Variants in IGSF21 observed in about 807,000 individuals in gnomAD.
IGSF21 encodes immunoglobin superfamily member 21.
In IGSF21, 28 loss-of-function variants were observed where a neutral mutation model predicts 46.8. The observed-to-expected ratio is 0.60, with a 90% confidence interval of 0.44 to 0.82. The LOEUF (loss-of-function observed/expected upper bound fraction) is 0.82, where lower values mean the gene tolerates loss of function less well. IGSF21 is among the 40% of genes least tolerant of loss of function. IGSF21 has a pLI of 0.00. For synonymous variants in IGSF21, 284 were observed against 273.6 expected (o/e 1.04, Z -0.38); for missense variants, 624 against 665.5 (o/e 0.94, Z 0.69).
chr1:18,186,271 C>T (rs1474859320), intron 1 of IGSF21, among the ~76,000 whole-genome samples: 2 of 152,122 alleles, frequency 1.3e-5, no homozygotes, highest in African/African-American at 4.8e-5. Flanking sequence ...GTAAATCTTG[C>T]CCCCAACAGT....
intron 1 of IGSF21, among the ~76,000 whole-genome samples, chr1:18,160,960 C>T (rs966193058): frequency 2.0e-5 from 3 of 152,080 alleles, no homozygotes; most frequent in African/African-American, 4.8e-5. Context: ...CCATGTACCC[C>T]CTGCATCCTG....
At chr1:18,146,425 G>A (rs2086467490) in intron 1 of IGSF21, among the ~76,000 whole-genome samples, 1 of 152,080 alleles carries the variant, frequency 6.6e-6, no homozygotes, top group Non-Finnish European at 1.5e-5. Context: ...CCTTGACTGA[G>A]TCATTTCACT....
intron 2 of IGSF21, among the ~76,000 whole-genome samples, chr1:18,252,314 G>C (rs994827039): frequency 2.0e-5 from 3 of 152,082 alleles, no homozygotes; most frequent in African/African-American, 7.2e-5. Context: ...CTCCCAAAGT[G>C]CTGGGATTAC....
intron 6 of IGSF21, among the ~76,000 whole-genome samples, chr1:18,371,056 C>T (rs564236057): frequency 4.6e-5 from 7 of 152,330 alleles, no homozygotes; most frequent in African/African-American, 7.2e-5. Context: ...TATGACCCAA[C>T]GATTTCACTC....
At chr1:18,296,154 C>A (rs562745297) in intron 3 of IGSF21, among the ~76,000 whole-genome samples, 1 of 152,302 alleles carries the variant, frequency 6.6e-6, no homozygotes, top group Admixed American at 6.5e-5. Flanking sequence ...TGAGAAGGCA[C>A]CCGTATTGGC....
Position 18,334,386 on chromosome 1 carries a change from A to C in IGSF21, c.306-506A>C, listed in dbSNP as rs1158938141. ...ATGGCGGCATGGAGAGAGAAATTCA[A>C]ATTTCCATACTGGTTCTTATTAGCA... On this transcript the variant is annotated intron_variant, in intron 3 of 9. Coordinates refer to ENST00000251296, the MANE Select transcript of IGSF21 (RefSeq NM_032880.5). This position sits in a 1 kb window ranked among gnomAD's most constrained non-coding sequence, Gnocchi z 4.3. 1.3e-5 allele frequency among the ~76,000 whole-genome samples: 2 copies of C among 152,114 alleles called. No homozygotes were observed. Among genetic ancestry groups the C allele is most frequent in the Non-Finnish European group, 2.9e-5 (2 of 68,032 alleles).
At chr1:18,299,981 T>C (rs1170418041) in intron 3 of IGSF21, among the ~76,000 whole-genome samples, 1 of 152,124 alleles carries the variant, frequency 6.6e-6, no homozygotes, top group African/African-American at 2.4e-5. Flanking sequence ...ATCTAGCACC[T>C]TGGGAGGCTG....
At chr1:18,302,498 T>C (rs2085372068) in intron 3 of IGSF21, among the ~76,000 whole-genome samples, 2 of 152,180 alleles carry the variant, frequency 1.3e-5, no homozygotes, top group South Asian at 4.1e-4. Flanking sequence ...TTCCTTGACT[T>C]TCAGTCTTTG....
At chr1:18,268,370 G>A (rs1422671738) in intron 2 of IGSF21, among the ~76,000 whole-genome samples, 1 of 152,190 alleles carries the variant, frequency 6.6e-6, no homozygotes, top group Non-Finnish European at 1.5e-5. Flanking sequence ...CTTACCACAA[G>A]GTAGCCTGCA....
chr1:18,138,981 T>G (rs74523909), intron 1 of IGSF21, among the ~76,000 whole-genome samples: 16,136 of 152,132 alleles, frequency 0.11, 1,120 homozygotes, highest in Non-Finnish European at 0.15. Context: ...ACCTGCTGAG[T>G]GCCAGCCAGT....
chr1:18,216,341 A>C (rs774283992), intron 1 of IGSF21, among the ~76,000 whole-genome samples: 21 of 152,252 alleles, frequency 1.4e-4, no homozygotes, highest in South Asian at 2.1e-4. Flanking sequence ...AGGCAAGCTC[A>C]TAAGGGACTC....
chr1:18,283,484 T>C (rs1046032992), intron 2 of IGSF21, among the ~76,000 whole-genome samples: 2 of 152,146 alleles, frequency 1.3e-5, no homozygotes, highest in African/African-American at 2.4e-5. Context: ...GCCTAGGAAC[T>C]GCAAGAGCGG....
chr1:18,340,216 CAA>C (rs35610389), intron 4 of IGSF21, among the ~76,000 whole-genome samples: 7 of 143,352 alleles, frequency 4.9e-5, no homozygotes, highest in Non-Finnish European at 9.2e-5. Flanking sequence ...ACAAGGAGGA[CAA>C]AAAAAAAACC....
Position 18,365,754 on chromosome 1 carries a change from G to T in IGSF21, c.1015+57G>T. The T allele has an allele frequency of 1.4e-6, 2 of 1,443,270 alleles. No individual in the cohort carries two copies. The highest frequency in any genetic ancestry group is 1.9e-6 in the Non-Finnish European group (2 of 1,052,802). The allele number at this position is 1,443,270 out of a possible 1,614,324, so 89.4% of individuals were successfully genotyped here. A position where few individuals can be genotyped will look rare whatever the true frequency, so the allele number is the denominator to read the frequency against. On this transcript the variant is annotated intron_variant, in intron 6 of 9. Coordinates refer to ENST00000251296, the MANE Select transcript of IGSF21 (RefSeq NM_032880.5). The surrounding 1 kb of genome is among the most constrained non-coding windows in gnomAD (Gnocchi z 4.8). ...CCTTGCAGACCTGGGTGTGGGGAGA[G>T]CCTTGGAATAGGGTTCCTGGGCTGA...
Position 18,365,523 on chromosome 1 carries a change from G to A in IGSF21, c.841G>A (p.Ala281Thr), listed in dbSNP as rs770457601. 3.3e-5 allele frequency: 53 copies of A among 1,613,970 alleles called. No homozygotes were observed. In the East Asian group the frequency reaches 4.5e-4, roughly 14 times the overall value. Residue 281 changes from alanine (A) to threonine (T), a missense_variant, in exon 6 of 10, where the codon GCC becomes ACC. By Grantham distance (58) the Ala-to-Thr change is moderately conservative. Transcript: ENST00000251296. This position sits in a 1 kb window ranked among gnomAD's most constrained non-coding sequence, Gnocchi z 4.8. ...TGAGTTTCCCCGCTGGGTCCACAGC[G>A]CCGAGCCCACCTACTTCCTGCGCCA... ...SREFPRWVHS[A>T]EPTYFLRHSR...
chr1:18,348,429 C>T (rs1322010795), intron 4 of IGSF21, among the ~76,000 whole-genome samples: 2 of 152,338 alleles, frequency 1.3e-5, no homozygotes, highest in South Asian at 2.1e-4. Context: ...CAGAGCAGGC[C>T]TGCAGGTGCA....
At chr1:18,333,631 C>A (rs2085736712) in intron 3 of IGSF21, among the ~76,000 whole-genome samples, 1 of 152,188 alleles carries the variant, frequency 6.6e-6, no homozygotes, top group South Asian at 2.1e-4. Context: ...ACAGTAGGAG[C>A]AGAATTGGAA....
At chr1:18,141,741 G>C in intron 1 of IGSF21, among the ~76,000 whole-genome samples, 1 of 152,156 alleles carries the variant, frequency 6.6e-6, no homozygotes, top group East Asian at 1.9e-4. Context: ...TGTTTCACAA[G>C]TTATTAGATG....
At chr1:18,243,581 A>G (rs1303413054) in intron 2 of IGSF21, among the ~76,000 whole-genome samples, 1 of 152,082 alleles carries the variant, frequency 6.6e-6, no homozygotes, top group African/African-American at 2.4e-5. Context: ...TGACCTTTTG[A>G]AATCAGAACA....
Sources: gnomAD v4.1 joint callset for allele counts (sites outside exome capture counted in the v4.1 genomes callset) on GRCh38, gnomAD v4.1.1 for gene constraint, Gnocchi (gnomAD v3.1) non-coding constraint, MANE v1.5 for transcripts, NCBI Gene and HGNC (gene_info 2026-07-23, HGNC 2026-07-21) for gene names.